Variants in ZDHHC17 observed in about 807,000 individuals in gnomAD.
The protein encoded by ZDHHC17 is zDHHC palmitoyltransferase 17.
Under a neutral mutation model 90.3 loss-of-function variants are expected in ZDHHC17, and 40 were observed. That is an observed-to-expected ratio of 0.44 (90% CI 0.34 to 0.58). ZDHHC17 has a LOEUF of 0.58. ZDHHC17 is among the 20% of genes least tolerant of loss of function. The pLI is 0.01. For synonymous variants in ZDHHC17, 235 were observed against 252.4 expected (o/e 0.93, Z 0.65); for missense variants, 614 against 780.8 (o/e 0.79, Z 2.55).
At position 76,802,610 on chromosome 12, in the gene ZDHHC17, T is replaced by A. The variant is rs538586609; in HGVS notation, c.198-2707T>A. On this transcript the variant is annotated intron_variant, in intron 2 of 16. Transcript: ENST00000426126. ...ACAGGTCCCTTAGACTGTCTTCACT[T>A]TCCTTCGGTCTTTTTTCTTTCTGCT... Among the ~76,000 whole-genome samples, 68 of 152,354 alleles carry A rather than the reference T, an allele frequency of 4.5e-4. No individual in the cohort carries two copies. In the South Asian group the frequency reaches 0.014, roughly 31 times the overall value.
chr12:76,809,758 A>C lies in ZDHHC17; in HGVS notation c.444A>C (p.Ala148=). The change falls in exon 5 of 17, where the codon GCA becomes GCC. Residue 148 remains alanine (A), a synonymous_variant. Coordinates refer to ENST00000426126, the MANE Select transcript of ZDHHC17 (RefSeq NM_015336.4). ...TTGTGCAACTAATGAAATATGGTGC[A>C]GATCCTTCATTAATTGATGGAGAAG... ...SMVVQLMKYG[A]DPSLIDGEGC... is the part of the protein sequence containing the mutation. The C allele has an allele frequency of 6.3e-7, 1 of 1,599,456 alleles. No homozygotes were observed. The highest frequency in any genetic ancestry group is 8.5e-7 in the Non-Finnish European group (1 of 1,173,356).
intron 8 of ZDHHC17, among the ~76,000 whole-genome samples, chr12:76,825,430 T>C (rs746845536): frequency 5.3e-5 from 8 of 152,194 alleles, no homozygotes; most frequent in Non-Finnish European, 8.8e-5. Flanking sequence ...AGCAGCACAT[T>C]ACCATTATAT....
At chr12:76,837,398 G>A (rs1953380025) in intron 10 of ZDHHC17, among the ~76,000 whole-genome samples, 1 of 152,192 alleles carries the variant, frequency 6.6e-6, no homozygotes, top group African/African-American at 2.4e-5. Context: ...AGGAGGTTGA[G>A]GCAGTAGGAC....
In ZDHHC17 at chr12:76,809,118, A is replaced by G. The variant is rs769564276; in HGVS notation, c.396A>G (p.Thr132=). The G allele has an allele frequency of 1.1e-5, 17 of 1,542,198 alleles. No homozygotes were observed. The East Asian group carries it at 1.5e-4, about 13-fold the overall frequency. The change falls in exon 4 of 17, where the codon ACA becomes ACG. Residue 132 remains threonine, a splice_region_variant and synonymous_variant. Transcript: ENST00000426126. ...ATTCAACTCCATTGCACTGGGCCAC[A>G]AGGTTTAAATTTGCTTCTGGATTTT... is the stretch of plus-strand genomic sequence containing the variant. ...DLNSTPLHWA[T]RQGHLSMVVQ... is the part of the protein sequence containing the mutation.
At chr12:76,787,584 G>C (rs758055439) in intron 1 of ZDHHC17, among the ~76,000 whole-genome samples, 1 of 151,360 alleles carries the variant, frequency 6.6e-6, no homozygotes, top group African/African-American at 2.4e-5. Flanking sequence ...CAATGCCATC[G>C]GCCATAGAGT....
intron 1 of ZDHHC17, among the ~76,000 whole-genome samples, chr12:76,768,902 C>T (rs1163217060): frequency 6.6e-6 from 1 of 151,964 alleles, no homozygotes; most frequent in Non-Finnish European, 1.5e-5. Flanking sequence ...CTGCTATTGC[C>T]TTTTTTTCTC....
intron 3 of ZDHHC17, among the ~76,000 whole-genome samples, chr12:76,805,920 A>G (rs182128605): frequency 3.2e-4 from 48 of 152,380 alleles, no homozygotes; most frequent in African/African-American, 1.0e-3. Context: ...TCACACCAGC[A>G]TAAGTGATGA....
intron 1 of ZDHHC17, among the ~76,000 whole-genome samples, chr12:76,793,875 A>G (rs1952789046): frequency 6.6e-6 from 1 of 152,104 alleles, no homozygotes; most frequent in Non-Finnish European, 1.5e-5. Flanking sequence ...ACATCGAGGA[A>G]AAATTACAGG....
chr12:76,835,923 C>CT (rs1555188046), intron 10 of ZDHHC17, among the ~76,000 whole-genome samples: 31 of 150,946 alleles, frequency 2.1e-4, no homozygotes, highest in South Asian at 4.2e-4. Context: ...TCTACACCCC[C>CT]TTTTTTTTAA....
At chr12:76,849,713 C>T (rs1953540240) in intron 16 of ZDHHC17, 1 of 284,794 alleles carries the variant, frequency 3.5e-6, no homozygotes, top group African/African-American at 2.2e-5. Flanking sequence ...CAGTCTGGTG[C>T]TTAGAAATAG....
intron 1 of ZDHHC17, among the ~76,000 whole-genome samples, chr12:76,769,759 ATCACTGAGT>A (rs1420197002): frequency 6.6e-6 from 1 of 152,198 alleles, no homozygotes; most frequent in Non-Finnish European, 1.5e-5. Flanking sequence ...AAGCTTAGTA[ATCACTGAGT>A]CAATAGATAT....
intron 2 of ZDHHC17, among the ~76,000 whole-genome samples, chr12:76,798,279 T>C (rs1018381443): frequency 1.2e-4 from 19 of 152,184 alleles, no homozygotes; most frequent in African/African-American, 4.3e-4. Flanking sequence ...AATACCAGAT[T>C]ATCAGTCTTC....
chr12:76,821,068 G>A (rs1953158323), intron 7 of ZDHHC17: 13 of 1,289,318 alleles, frequency 1.0e-5, no homozygotes, highest in Non-Finnish European at 1.3e-5. Flanking sequence ...GCAATCCTTA[G>A]GTGTCACATG....
At chr12:76,788,378 C>A (rs1321847301) in intron 1 of ZDHHC17, among the ~76,000 whole-genome samples, 1 of 152,056 alleles carries the variant, frequency 6.6e-6, no homozygotes, top group Non-Finnish European at 1.5e-5. Flanking sequence ...GAAAATATTT[C>A]ATGAATAGCA....
At chr12:76,784,799 G>A (rs536560051) in intron 1 of ZDHHC17, among the ~76,000 whole-genome samples, 1 of 152,272 alleles carries the variant, frequency 6.6e-6, no homozygotes, top group Admixed American at 6.5e-5. Flanking sequence ...TTACTAGTAC[G>A]ATCCTGAAGA....
intron 10 of ZDHHC17, among the ~76,000 whole-genome samples, chr12:76,832,582 T>G (rs1467582260): frequency 6.6e-6 from 1 of 152,216 alleles, no homozygotes; most frequent in Non-Finnish European, 1.5e-5. Context: ...TTAAAAAACT[T>G]TATTTAATAT....
intron 3 of ZDHHC17, among the ~76,000 whole-genome samples, chr12:76,806,733 A>C (rs1024430163): frequency 2.8e-4 from 42 of 152,150 alleles, no homozygotes; most frequent in African/African-American, 1.0e-3. Context: ...GGCTGGTCTC[A>C]AACTCCTGAG....
chr12:76,764,447 G>C (rs964929371), intron 1 of ZDHHC17, 118 bp downstream of exon 1: 3 of 976,366 alleles, frequency 3.1e-6, no homozygotes, highest in Non-Finnish European at 3.0e-6. Context: ...AAGTTGGGGA[G>C]GGTGGGGAGG....
rs183589238 is a variant in ZDHHC17 at position 76,809,815 on chromosome 12, C to T, written c.501C>T (p.Phe167=). The change falls in exon 5 of 17, where the codon TTC becomes TTT. Residue 167 remains phenylalanine (F), a synonymous_variant. Transcript: ENST00000426126. ...GCTGTATTCATCTGGCTGCTCAGTT[C>T]GGACATACCTCAATTGTTGCTTATC... The part of the protein sequence containing the change: ...GCSCIHLAAQ[F]GHTSIVAYLI... 2.1e-3 allele frequency: 3,452 copies of T among 1,610,550 alleles called. 15 individuals carry two copies. The highest frequency in any genetic ancestry group is 8.4e-3 in the South Asian group (760 of 90,496).
Sources: allele counts gnomAD v4.1 joint callset (sites outside exome capture counted in the v4.1 genomes callset), GRCh38; gene constraint gnomAD v4.1.1; transcripts MANE v1.5; gene names NCBI Gene and HGNC (gene_info 2026-07-23, HGNC 2026-07-21).